SYNPO: variants seen among roughly 807,000 people sequenced by gnomAD.
SYNPO encodes synaptopodin.
Under a neutral mutation model 49.5 loss-of-function variants are expected in SYNPO, and 19 were observed. The observed-to-expected ratio is 0.38, with a 90% CI of 0.27 to 0.56. SYNPO has a LOEUF of 0.56. Among genes scored for constraint, SYNPO ranks in the 20% least tolerant of loss-of-function variants. SYNPO has a pLI of 0.68. For missense variants in SYNPO, 1,131 were observed against 1,248.3 expected, an observed-to-expected ratio of 0.91 and a Z score of 1.42; for synonymous variants, 536 against 548.0, an observed-to-expected ratio of 0.98 and a Z score of 0.31.
chr5:150,653,052 G>A (rs976184985), intron 2 of SYNPO: 1 of 152,222 alleles, frequency 6.6e-6, no homozygotes, highest in African/African-American at 2.4e-5. Flanking sequence ...CCCCACACAT[G>A]TGCCCTGCTT....
intron 1 of SYNPO, among the ~76,000 whole-genome samples, chr5:150,605,872 T>A (rs1409268431): frequency 6.7e-6 from 1 of 148,700 alleles, no homozygotes; most frequent in East Asian, 2.0e-4. Context: ...GACACACAAA[T>A]ACACACAGAC....
At chr5:150,604,829 G>A (rs868525801) in intron 1 of SYNPO, among the ~76,000 whole-genome samples, 1 of 152,304 alleles carries the variant, frequency 6.6e-6, no homozygotes, top group African/African-American at 2.4e-5. Context: ...GGCTTAAGGA[G>A]GGGGTGTGAT....
At chr5:150,656,337 T>C in intron 2 of SYNPO, 67 bp from the exon 3 acceptor site, 1 of 1,328,286 alleles carries the variant, frequency 7.5e-7, no homozygotes, top group Non-Finnish European at 1.0e-6. Flanking sequence ...ACTCCGTCCC[T>C]TCCTAAAGCC....
chr5:150,595,706 C>A, the SYNPO span, among the ~76,000 whole-genome samples: 7 of 152,238 alleles, frequency 4.6e-5, no homozygotes, highest in African/African-American at 1.7e-4. Flanking sequence ...ACTGTGCTGG[C>A]CTTCGCGATA....
At chr5:150,639,465 C>G (rs558353626), upstream of SYNPO, among the ~76,000 whole-genome samples, 1 of 152,088 alleles carries the variant, frequency 6.6e-6, no homozygotes, top group Non-Finnish European at 1.5e-5. Flanking sequence ...AAGAAGTGGC[C>G]GTTGGGCTGG....
chr5:150,642,809 C>G (rs1480128335), intron 1 of SYNPO, among the ~76,000 whole-genome samples: 1 of 152,240 alleles, frequency 6.6e-6, no homozygotes, highest in African/African-American at 2.4e-5. Context: ...GGGCAGGGCT[C>G]TCTTACCTCC....
intron 2 of SYNPO, among the ~76,000 whole-genome samples, chr5:150,655,872 A>G (rs1459353102): frequency 3.3e-5 from 5 of 152,170 alleles, no homozygotes; most frequent in Non-Finnish European, 7.3e-5. Context: ...GCTGGTCTCG[A>G]ACTCCTGACC....
chr5:150,626,056 A>G lies in SYNPO; in HGVS notation c.400+7289A>G, dbSNP rs188154857. Among the ~76,000 whole-genome samples, 5 of 152,312 alleles carry G rather than the reference A, an allele frequency of 3.3e-5. No homozygotes were observed. The East Asian group carries it at 9.7e-4, about 29-fold the overall frequency. On this transcript the variant is annotated intron_variant, in intron 2 of 2. Coordinates refer to the SYNPO transcript ENST00000394243. ...TCAGAGGGTGCCCTACCCCCTGTCC[A>G]TTAGAAAGTGGAAGTGAAACTGGAT...
At chr5:150,630,435 C>T (rs1305582110) in intron 2 of SYNPO, among the ~76,000 whole-genome samples, 3 of 152,182 alleles carry the variant, frequency 2.0e-5, no homozygotes, top group Admixed American at 2.0e-4. Flanking sequence ...TGTTGGGGAC[C>T]CTCCCATGGA....
At position 150,649,947 on chromosome 5, in the gene SYNPO, G is replaced by A; in HGVS notation, c.1672G>A (p.Glu558Lys). 1 of 1,612,610 alleles carries A rather than the reference G, an allele frequency of 6.2e-7. No homozygotes were observed. The highest frequency in any genetic ancestry group is 8.5e-7 in the Non-Finnish European group (1 of 1,179,972). ...YLPENGVLRP[E>K]PTKQPPYQLR... ...GCCTGAGAACGGGGTCCTGCGCCCA[G>A]AGCCCACCAAGCAGCCGCCATACCA... is the stretch of plus-strand genomic sequence containing the variant. Residue 558 changes from glutamate (E) to lysine (K), a missense_variant, in exon 2 of 3, where the codon GAG becomes AAG. By Grantham distance (56) the Glu-to-Lys change is moderately conservative. Transcript: ENST00000307662.
chr5:150,657,267 C>T lies in SYNPO; in HGVS notation c.*180C>T. On this transcript the variant is annotated 3_prime_UTR_variant, in exon 3 of 3. Coordinates refer to ENST00000307662, the MANE Select transcript of SYNPO (RefSeq NM_007286.6). ...TTGAGTTCTAGCCCTTGCTCTCATT[C>T]AGCTGTTGTGTGACCCTGGGTAAGA... The T allele has an allele frequency of 1.5e-6, 1 of 676,402 alleles. No individual in the cohort carries two copies. Among genetic ancestry groups the T allele is most frequent in the East Asian group, 2.8e-5 (1 of 36,266 alleles). 41.9% of individuals were successfully genotyped at this position (676,402 alleles called of 1,614,324 possible). A position where few individuals can be genotyped will look rare whatever the true frequency, so the allele number is the denominator to read the frequency against.
intron 2 of SYNPO, among the ~76,000 whole-genome samples, chr5:150,626,267 G>T (rs781469136): frequency 3.9e-5 from 6 of 152,214 alleles, no homozygotes; most frequent in African/African-American, 1.4e-4. Flanking sequence ...CCTCAGGGGA[G>T]TTGAAAACCC....
At chr5:150,639,402 CA>C (rs1467980468), upstream of SYNPO, among the ~76,000 whole-genome samples, 1 of 152,244 alleles carries the variant, frequency 6.6e-6, no homozygotes, top group African/African-American at 2.4e-5. Flanking sequence ...CCAGGTTGAA[CA>C]GGGGAGGAGC....
In SYNPO at chr5:150,657,423, C is replaced by T. The variant is rs1475823105; in HGVS notation, c.*336C>T. The T allele has an allele frequency of 5.7e-6, 1 of 174,276 alleles. No individual in the cohort carries two copies. Among genetic ancestry groups the T allele is most frequent in the South Asian group, 6.5e-5 (1 of 15,452 alleles). 10.8% of individuals were successfully genotyped at this position (174,276 alleles called of 1,614,324 possible). A position where few individuals can be genotyped will look rare whatever the true frequency, so the allele number is the denominator to read the frequency against. On this transcript the variant is annotated 3_prime_UTR_variant, in exon 3 of 3. Transcript: ENST00000307662. ...GCACACACACTCTCTCTTTCTCTCTCTCTCTCTCTCACACACACACACACA... is the reference window on the plus strand; with the variant it reads ...GCACACACACTCTCTCTTTCTCTCTTTCTCTCTCTCACACACACACACACA...
At position 150,649,863 on chromosome 5, in the gene SYNPO, C is replaced by G; in HGVS notation, c.1588C>G (p.Arg530Gly). ...CCCCACTAACGCCCCCGGGGCCTTCCGAGTGGCATCCCGAAGCCCAGCCCG... is the reference window on the plus strand; with the variant it reads ...CCCCACTAACGCCCCCGGGGCCTTCGGAGTGGCATCCCGAAGCCCAGCCCG... Reference protein sequence around the residue: ...KYPTNAPGAFRVASRSPARTP... With the variant: ...KYPTNAPGAFGVASRSPARTP... Residue 530 changes from arginine to glycine, a missense_variant, in exon 2 of 3, where the codon CGA becomes GGA. By Grantham distance (125) the Arg-to-Gly change is moderately radical (BLOSUM62 -2). Around this residue, in one of 4 missense-constraint regions of SYNPO, gnomAD observed 602 missense variants for 720.7 expected, o/e 0.84. Transcript: ENST00000307662. 1 of 1,609,020 alleles carries G rather than the reference C, an allele frequency of 6.2e-7. No individual in the cohort carries two copies. The highest frequency in any genetic ancestry group is 8.5e-7 in the Non-Finnish European group (1 of 1,179,970).
At chr5:150,633,206 G>A (rs1757598742) in intron 2 of SYNPO, among the ~76,000 whole-genome samples, 1 of 152,230 alleles carries the variant, frequency 6.6e-6, no homozygotes, top group Admixed American at 6.5e-5. Context: ...ATGTGCAGTA[G>A]TATAGGTTTC....
chr5:150,597,657 G>C (rs11959138), upstream of SYNPO, among the ~76,000 whole-genome samples: 62,926 of 151,506 alleles, frequency 0.42, 13,438 homozygotes, highest in Middle Eastern at 0.5. Flanking sequence ...TTTTGTTTTT[G>C]AGACAGAGTC....
At chr5:150,593,697 T>C in the SYNPO span, among the ~76,000 whole-genome samples, 1 of 152,204 alleles carries the variant, frequency 6.6e-6, no homozygotes, top group Non-Finnish European at 1.5e-5. Context: ...TGGGCTCAAG[T>C]AGTCCCCCTA....
intron 1 of SYNPO, among the ~76,000 whole-genome samples, chr5:150,647,189 G>A (rs56991499): frequency 0.013 from 1,915 of 151,776 alleles, 46 homozygotes; most frequent in African/African-American, 0.044. Flanking sequence ...GTTGCAGTGA[G>A]CCGAGATTGC....
Sources: gnomAD v4.1 joint callset for allele counts (sites outside exome capture counted in the v4.1 genomes callset) on GRCh38, gnomAD v4.1.1 for gene constraint, gnomAD v4.1.1 regional missense constraint, MANE v1.5 for transcripts, NCBI Gene and HGNC (gene_info 2026-07-23, HGNC 2026-07-21) for gene names.